Variants in CADPS observed in about 807,000 individuals in gnomAD.
The protein encoded by CADPS is calcium-dependent secretion activator 1.
A neutral mutation model predicts 167.3 loss-of-function variants in CADPS; 57 were observed. The ratio of observed to expected loss-of-function variants is 0.34; its 90% CI spans 0.28 to 0.42. The LOEUF is 0.42. Ranked by LOEUF, CADPS falls within the 20% of genes least tolerant of loss-of-function variation. The probability of loss-of-function intolerance (pLI) is 1.00; values close to 1 mark genes in which losing one functional copy is unlikely to be tolerated. For synonymous variants in CADPS, 676 were observed against 635.3 expected (o/e 1.06, Z -0.96); for missense variants, 1,414 against 1,738.1 (o/e 0.81, Z 3.32).
intron 12 of CADPS, 128 bp from the exon 13 acceptor site, chr3:62,533,186 T>A: frequency 8.2e-6 from 6 of 728,110 alleles, no homozygotes; most frequent in Non-Finnish European, 1.4e-5. Flanking sequence ...GATTGCCTAT[T>A]ATGTGCCAGC....
intron 1 of CADPS, among the ~76,000 whole-genome samples, chr3:62,851,433 T>A (rs1382968109): frequency 1.4e-5 from 2 of 147,758 alleles, no homozygotes; most frequent in Non-Finnish European, 3.0e-5. Context: ...TTTCCATGTT[T>A]AGCGCTTCCT....
rs186053951 is a variant in CADPS, at chr3:62,576,239, C to T, written c.1578-5301G>A. 9.2e-5 allele frequency among the ~76,000 whole-genome samples: 14 copies of T among 152,220 alleles called. No homozygotes were observed. In the East Asian group the frequency reaches 1.5e-3, roughly 17 times the overall value. On this transcript the variant is annotated intron_variant, in intron 8 of 29. Coordinates refer to ENST00000383710, the MANE Select transcript of CADPS (RefSeq NM_003716.4). The stretch of plus-strand genomic sequence containing the variant: ...CTAATGTAGTCAGTGGCAGTTTAGA[C>T]GAGTGGTTATATCTCAGACTAAAGG...
chr3:62,518,548 C>G (rs764006545), intron 13 of CADPS, among the ~76,000 whole-genome samples: 1 of 152,168 alleles, frequency 6.6e-6, no homozygotes, highest in Non-Finnish European at 1.5e-5. Flanking sequence ...CTCACAGCGT[C>G]TTAAGAAATT....
At chr3:62,843,381 ATC>A (rs1406431835) in intron 1 of CADPS, among the ~76,000 whole-genome samples, 1 of 152,224 alleles carries the variant, frequency 6.6e-6, no homozygotes, top group Non-Finnish European at 1.5e-5. Context: ...AAACAGAAAT[ATC>A]TGAGATTTCT....
At chr3:62,613,766 C>T (rs994073096) in intron 6 of CADPS, among the ~76,000 whole-genome samples, 3 of 152,116 alleles carry the variant, frequency 2.0e-5, no homozygotes, top group South Asian at 2.1e-4. Flanking sequence ...TTGATGAAAT[C>T]GGGTAAAACC....
chr3:62,597,703 G>T (rs1408845613), intron 6 of CADPS, among the ~76,000 whole-genome samples: 2 of 152,132 alleles, frequency 1.3e-5, no homozygotes, highest in African/African-American at 4.8e-5. Context: ...AATTCAGGCC[G>T]CTGGAGGCTG....
intron 3 of CADPS, among the ~76,000 whole-genome samples, chr3:62,701,296 G>GGT (rs2081338966): frequency 6.6e-6 from 1 of 152,144 alleles, no homozygotes; most frequent in South Asian, 2.1e-4. Context: ...TGATGTCAGT[G>GGT]GTTGTGGGGA....
At chr3:62,653,583 G>A (rs1183189755) in intron 4 of CADPS, among the ~76,000 whole-genome samples, 2 of 152,064 alleles carry the variant, frequency 1.3e-5, no homozygotes, top group Non-Finnish European at 2.9e-5. Context: ...CAATGATTCA[G>A]GACCATATCT....
rs1393553322 is a variant in CADPS at position 62,602,526 on chromosome 3, C to T, written c.1326-9778G>A. On this transcript the variant is annotated intron_variant, in intron 6 of 29. Transcript: ENST00000383710. The surrounding 1 kb of genome is among the most constrained non-coding windows in gnomAD (Gnocchi z 4.4). ...GACAGCTGCATTAAAATCTTGTGGC[C>T]TGCCTTTGAGGTGGACTGCATGATA... is the stretch of plus-strand genomic sequence containing the variant. Among the ~76,000 whole-genome samples, 1 of 152,124 alleles carries T rather than the reference C, an allele frequency of 6.6e-6. No homozygotes were observed. Among genetic ancestry groups the T allele is most frequent in the Non-Finnish European group, 1.5e-5 (1 of 68,040 alleles).
At position 62,444,819 on chromosome 3, in the gene CADPS, A is replaced by G. The variant is rs551158730; in HGVS notation, c.3669+946T>C. 2.0e-5 allele frequency among the ~76,000 whole-genome samples: 3 copies of G among 152,356 alleles called. No homozygotes were observed. In the South Asian group the frequency reaches 6.2e-4, roughly 32 times the overall value. ...TTTAAATGTTAATACAAATCCTTTT[A>G]GAAAAAAACAAATTTTAACAAATAA... On this transcript the variant is annotated intron_variant, in intron 27 of 29. Coordinates refer to ENST00000383710, the MANE Select transcript of CADPS (RefSeq NM_003716.4).
At position 62,874,964 on chromosome 3, in the gene CADPS, C is replaced by G; in HGVS notation, c.66G>C (p.Glu22Asp). 1 of 1,589,926 alleles carries G rather than the reference C, an allele frequency of 6.3e-7. No homozygotes were observed. The highest frequency in any genetic ancestry group is 8.6e-7 in the Non-Finnish European group (1 of 1,169,266). The change falls in exon 1 of 30, where the codon GAG becomes GAC. Residue 22 changes from glutamate to aspartate, a missense_variant. Around this residue, in one of 6 missense-constraint regions of CADPS, gnomAD observed 522 missense variants for 559.5 expected, o/e 0.93. Coordinates refer to ENST00000383710, the MANE Select transcript of CADPS (RefSeq NM_003716.4). This position sits in a 1 kb window ranked among gnomAD's most constrained non-coding sequence, Gnocchi z 7.1. The stretch of plus-strand genomic sequence containing the variant: ...CGCCGGACGGGGCCGAGCCGAGCAC[C>G]TCCTTGCCGCTCTCCTCCTCCACGA... ...DEIVEEESGK[E>D]VLGSAPSGAR...
chr3:62,775,054 G>C (rs1479543393), intron 1 of CADPS, among the ~76,000 whole-genome samples: 2 of 150,432 alleles, frequency 1.3e-5, no homozygotes, highest in Non-Finnish European at 3.0e-5. Context: ...TTTTGTTTTT[G>C]AGACAGAGTC....
intron 13 of CADPS, among the ~76,000 whole-genome samples, chr3:62,530,092 A>G (rs1425973351): frequency 1.3e-5 from 2 of 152,226 alleles, no homozygotes; most frequent in Admixed American, 1.3e-4. Context: ...AGGTGACCTC[A>G]GTATATAAGT....
chr3:62,730,171 A>G (rs754586006), intron 3 of CADPS, among the ~76,000 whole-genome samples: 1 of 149,414 alleles, frequency 6.7e-6, no homozygotes, highest in Non-Finnish European at 1.5e-5. Context: ...GGTTGTTGCT[A>G]TGGCATATCT....
Position 62,478,495 on chromosome 3 carries a change from G to T in CADPS, c.3174-79C>A. The T allele has an allele frequency of 7.3e-7, 1 of 1,365,404 alleles. No homozygotes were observed. The highest frequency in any genetic ancestry group is 1.0e-6 in the Non-Finnish European group (1 of 989,844). The allele number at this position is 1,365,404 out of a possible 1,614,324, so 84.6% of individuals were successfully genotyped here. ...AAAAACTAACACAGAGACAACTGGG[G>T]GCTAGAAGGCAAACAGCAGCTTCAA... On this transcript the variant is annotated intron_variant, in intron 22 of 29. Coordinates refer to ENST00000383710, the MANE Select transcript of CADPS (RefSeq NM_003716.4). The surrounding 1 kb of genome is among the most constrained non-coding windows in gnomAD (Gnocchi z 5.7).
chr3:62,855,091 AT>A (rs554197608), intron 1 of CADPS, among the ~76,000 whole-genome samples: 2,023 of 92,702 alleles, frequency 0.022, 47 homozygotes, highest in Middle Eastern at 0.041. Flanking sequence ...TGCCCGGCTA[AT>A]TTTTTTTTTT....
At chr3:62,596,418 G>A (rs1262875081) in intron 6 of CADPS, among the ~76,000 whole-genome samples, 1 of 151,754 alleles carries the variant, frequency 6.6e-6, no homozygotes, top group Non-Finnish European at 1.5e-5. Flanking sequence ...GGCTGGTTGC[G>A]AACTCCTGAC....
At chr3:62,664,809 C>G (rs1386186188) in intron 3 of CADPS, among the ~76,000 whole-genome samples, 1 of 152,206 alleles carries the variant, frequency 6.6e-6, no homozygotes, top group African/African-American at 2.4e-5. Context: ...TTTCCAGAGG[C>G]ATTTGGGTTC....
intron 6 of CADPS, among the ~76,000 whole-genome samples, chr3:62,623,542 T>C (rs1410912396): frequency 6.6e-6 from 1 of 152,182 alleles, no homozygotes; most frequent in Non-Finnish European, 1.5e-5. Flanking sequence ...ATTTTTGGCA[T>C]ATAAGAAGAT....
Sources: gnomAD v4.1 joint callset for allele counts (sites outside exome capture counted in the v4.1 genomes callset) on GRCh38, gnomAD v4.1.1 for gene constraint, gnomAD v4.1.1 regional missense constraint, Gnocchi (gnomAD v3.1) non-coding constraint, MANE v1.5 for transcripts, NCBI Gene and HGNC (gene_info 2026-07-23, HGNC 2026-07-21) for gene names.